The following CHRM2 variants were observed in gnomAD, a reference collection of about 807,000 sequenced individuals.
CHRM2 encodes the protein cholinergic receptor muscarinic 2.
In CHRM2, 8 loss-of-function variants were observed where a neutral mutation model predicts 25.0. The observed-to-expected ratio is 0.32, with a 90% CI of 0.19 to 0.58. CHRM2 has a LOEUF of 0.58. Ranked by LOEUF, CHRM2 falls within the 20% of genes least tolerant of loss-of-function variation. The probability of loss-of-function intolerance (pLI) is 0.88; values close to 1 mark genes in which losing one functional copy is unlikely to be tolerated. For synonymous variants in CHRM2, 202 were observed against 205.7 expected (o/e 0.98, Z 0.15); for missense variants, 440 against 567.1 (o/e 0.78, Z 2.28).
At chr7:136,902,267 C>G (rs1033485315) in intron 2 of CHRM2, 3 of 151,930 alleles carry the variant, frequency 2.0e-5, no homozygotes, top group Admixed American at 6.6e-5. Flanking sequence ...ATCCACCTAG[C>G]TATCCTTCTA....
At chr7:136,954,174 T>C (rs1486963977) in intron 2 of CHRM2, among the ~76,000 whole-genome samples, 2 of 152,214 alleles carry the variant, frequency 1.3e-5, no homozygotes, top group Non-Finnish European at 2.9e-5. Context: ...CTCCTCATTC[T>C]TTATACACAT....
intron 2 of CHRM2, among the ~76,000 whole-genome samples, chr7:136,946,333 A>G (rs1039608435): frequency 6.6e-6 from 1 of 152,214 alleles, no homozygotes; most frequent in Non-Finnish European, 1.5e-5. Context: ...TTTGCAAAGC[A>G]TTTATTTAAT....
intron 3 of CHRM2, among the ~76,000 whole-genome samples, chr7:136,992,543 C>T (rs1028838415): frequency 6.6e-6 from 1 of 152,122 alleles, no homozygotes; most frequent in Non-Finnish European, 1.5e-5. Context: ...GAAAAATGTT[C>T]TACACCCTAC....
chr7:136,949,575 TTA>T (rs1800275160), intron 2 of CHRM2, among the ~76,000 whole-genome samples: 1 of 151,852 alleles, frequency 6.6e-6, no homozygotes, highest in South Asian at 2.1e-4. Context: ...ATGAAATAAG[TTA>T]TGATTGTGCC....
rs527937023 is a variant in CHRM2, at chr7:137,009,060, G to A, written c.-46-5760G>A. Among the ~76,000 whole-genome samples, 12 of 152,042 alleles carry A rather than the reference G, an allele frequency of 7.9e-5. No individual in the cohort carries two copies. The East Asian group carries it at 1.7e-3, about 22-fold the overall frequency. On this transcript the variant is annotated intron_variant, in intron 3 of 3. Transcript: ENST00000680005. ...TTGTGAGAATTAAATAAAATAACAC[G>A]CAAAAATCCCAAAACTTAGATTACT...
Position 136,978,050 on chromosome 7 carries a change from C to A in CHRM2, c.-124-14137C>A, listed in dbSNP as rs1169479964. On this transcript the variant is annotated intron_variant, in intron 2 of 3. Transcript: ENST00000680005. ...TGAAACTTAATATAAGAAATAGACA[C>A]TGGGAACTACTAGAGAGGGGGTGGA... 4.0e-5 allele frequency among the ~76,000 whole-genome samples: 6 copies of A among 151,874 alleles called. No homozygotes were observed. The East Asian group carries it at 7.8e-4, about 20-fold the overall frequency.
intron 2 of CHRM2, among the ~76,000 whole-genome samples, chr7:136,883,130 C>T (rs1259068437): frequency 2.0e-5 from 3 of 152,080 alleles, no homozygotes; most frequent in Admixed American, 1.3e-4. Context: ...CTTAGCGTTC[C>T]CTCCTAATAG....
Position 137,015,445 on chromosome 7 carries a change from G to C in CHRM2, c.580G>C (p.Ala194Pro). The part of the protein sequence containing the change: ...AAVTFGTAIA[A>P]FYLPVIIMTV... ...TGTCACCTTTGGTACGGCTATTGCA[G>C]CCTTCTATTTGCCAGTGATCATCAT... Residue 194 changes from alanine to proline, a missense_variant, in exon 4 of 4, where the codon GCC (alanine) becomes CCC (proline). Physicochemically the swap from Ala to Pro is conservative, Grantham distance 27. Coordinates refer to ENST00000680005, the MANE Select transcript of CHRM2 (RefSeq NM_001006630.2). The surrounding 1 kb of genome is among the most constrained non-coding windows in gnomAD (Gnocchi z 5.1). The C allele has an allele frequency of 6.2e-7, 1 of 1,613,360 alleles. No homozygotes were observed. The highest frequency in any genetic ancestry group is 8.5e-7 in the Non-Finnish European group (1 of 1,179,626).
intron 2 of CHRM2, among the ~76,000 whole-genome samples, chr7:136,971,210 G>A (rs1237238733): frequency 6.6e-6 from 1 of 152,180 alleles, no homozygotes. Context: ...AAAGCATATA[G>A]AAGCTAAAAT....
intron 2 of CHRM2, among the ~76,000 whole-genome samples, chr7:136,926,948 T>C (rs1186432845): frequency 3.3e-5 from 5 of 152,198 alleles, no homozygotes; most frequent in Non-Finnish European, 7.3e-5. Context: ...GTCTCTACCA[T>C]CCAAGTGACA....
chr7:137,013,978 T>C (rs1209664753), intron 3 of CHRM2, among the ~76,000 whole-genome samples: 1 of 152,042 alleles, frequency 6.6e-6, no homozygotes, highest in East Asian at 1.9e-4. Context: ...ATAGATTTGA[T>C]AGTGGTTTGA....
Position 136,869,780 on chromosome 7 carries a change from AC to A in CHRM2, c.-125+368del, listed in dbSNP as rs954314743. ...CCCCCCATTCCCTCTACTGTTGCTG[AC>A]CCCCCTCCCGCCACCCACTCCAGAT... On this transcript the variant is annotated intron_variant, in intron 2 of 3. Coordinates refer to ENST00000680005, the MANE Select transcript of CHRM2 (RefSeq NM_001006630.2). This position sits in a 1 kb window ranked among gnomAD's most constrained non-coding sequence, Gnocchi z 4.9. 2 of 142,796 alleles carry A rather than the reference AC, an allele frequency of 1.4e-5. No homozygotes were observed. Among genetic ancestry groups the A allele is most frequent in the Non-Finnish European group, 1.5e-5 (1 of 65,486 alleles). 8.8% of individuals were successfully genotyped at this position (142,796 alleles called of 1,614,324 possible).
intron 2 of CHRM2, among the ~76,000 whole-genome samples, chr7:136,917,308 T>A (rs560218003): frequency 1.3e-5 from 2 of 152,108 alleles, no homozygotes; most frequent in Admixed American, 1.3e-4. Flanking sequence ...ATTACCATAG[T>A]CTCAATTTTC....
chr7:136,930,300 G>A (rs929746312), intron 2 of CHRM2, among the ~76,000 whole-genome samples: 6 of 152,122 alleles, frequency 3.9e-5, no homozygotes, highest in African/African-American at 1.2e-4. Context: ...GCCAGGCATC[G>A]TGGCACACAC....
At chr7:136,970,662 T>C (rs964138757) in intron 2 of CHRM2, among the ~76,000 whole-genome samples, 5 of 151,738 alleles carry the variant, frequency 3.3e-5, no homozygotes, top group African/African-American at 1.2e-4. Context: ...TAATGAGCAA[T>C]TACTTTGTGC....
chr7:136,876,999 CA>C (rs1186299901), intron 2 of CHRM2, among the ~76,000 whole-genome samples: 1 of 151,944 alleles, frequency 6.6e-6, no homozygotes, highest in Non-Finnish European at 1.5e-5. Flanking sequence ...GAATTAGGGA[CA>C]GGAATCTAGA....
At chr7:136,984,904 G>A (rs324627) in intron 2 of CHRM2, among the ~76,000 whole-genome samples, 130,051 of 152,150 alleles carry the variant, frequency 0.85, 56,421 homozygotes, top group Middle Eastern at 0.97. Flanking sequence ...ATCTTGCTCA[G>A]GAATCCTAGA....
chr7:136,997,461 T>C (rs771088241), intron 3 of CHRM2, among the ~76,000 whole-genome samples: 7 of 152,290 alleles, frequency 4.6e-5, no homozygotes, highest in Non-Finnish European at 7.3e-5. Flanking sequence ...CTCTAAATGT[T>C]CTAATTTGAA....
chr7:136,904,993 T>G (rs2130645327), intron 2 of CHRM2, among the ~76,000 whole-genome samples: 1 of 152,090 alleles, frequency 6.6e-6, no homozygotes, highest in East Asian at 1.9e-4. Context: ...TGTTTATAAG[T>G]GTACAGTACT....
Sources: gnomAD v4.1 joint callset for allele counts (sites outside exome capture counted in the v4.1 genomes callset) on GRCh38, gnomAD v4.1.1 for gene constraint, Gnocchi (gnomAD v3.1) non-coding constraint, MANE v1.5 for transcripts, NCBI Gene and HGNC (gene_info 2026-07-23, HGNC 2026-07-21) for gene names.